Variants in PRKCH observed in about 807,000 individuals in gnomAD.
PRKCH encodes protein kinase C eta.
A neutral mutation model predicts 82.5 loss-of-function variants in PRKCH; 28 were observed. That is an observed-to-expected ratio of 0.34 (90% CI 0.25 to 0.47). PRKCH has a LOEUF of 0.47. Ranked by LOEUF, PRKCH falls within the 20% of genes least tolerant of loss-of-function variation. The probability of loss-of-function intolerance (pLI) is 1.00; values close to 1 mark genes in which losing one functional copy is unlikely to be tolerated. For synonymous variants in PRKCH, 322 were observed against 327.4 expected (o/e 0.98, Z 0.18); for missense variants, 705 against 881.8 (o/e 0.80, Z 2.54).
intron 2 of PRKCH, among the ~76,000 whole-genome samples, chr14:61,435,253 C>T (rs117802528): frequency 2.4e-3 from 372 of 152,280 alleles, no homozygotes; most frequent in Non-Finnish European, 4.1e-3. Context: ...GGTTCCTTCC[C>T]GAATAAACTA....
At chr14:61,214,741 G>A (rs1194095605) in intron 1 of PRKCH, among the ~76,000 whole-genome samples, 1 of 152,136 alleles carries the variant, frequency 6.6e-6, no homozygotes, top group Non-Finnish European at 1.5e-5. Context: ...AGTCATTGCA[G>A]TGAGAGCCCA....
At chr14:61,412,398 T>C (rs1882313546) in intron 2 of PRKCH, among the ~76,000 whole-genome samples, 1 of 152,240 alleles carries the variant, frequency 6.6e-6, no homozygotes, top group South Asian at 2.1e-4. Context: ...GTTGCTTTTC[T>C]ATGACTCCAT....
chr14:61,460,127 G>A (rs142155362), intron 9 of PRKCH, among the ~76,000 whole-genome samples: 1,532 of 152,284 alleles, frequency 0.01, 28 homozygotes, highest in African/African-American at 0.035. Context: ...GATTACAGGC[G>A]TGAGCCACTG....
chr14:61,342,218 A>G (rs1427610632), intron 1 of PRKCH, among the ~76,000 whole-genome samples: 2 of 151,778 alleles, frequency 1.3e-5, no homozygotes, highest in African/African-American at 2.4e-5. Context: ...TAAAGCCTCA[A>G]CTACTAATTA....
intron 10 of PRKCH, among the ~76,000 whole-genome samples, chr14:61,521,707 C>A (rs2042909982): frequency 6.6e-6 from 1 of 152,088 alleles, no homozygotes; most frequent in Non-Finnish European, 1.5e-5. Context: ...GGCTGGGATT[C>A]AGGCGTAAGC....
At chr14:61,444,316 G>A (rs1026318620) in intron 3 of PRKCH, among the ~76,000 whole-genome samples, 8 of 152,046 alleles carry the variant, frequency 5.3e-5, no homozygotes, top group Non-Finnish European at 7.4e-5. Context: ...TTGAGTTCAC[G>A]TTTCCTCTTT....
At chr14:61,454,107 C>CT (rs753250068) in intron 7 of PRKCH, among the ~76,000 whole-genome samples, 2 of 144,600 alleles carry the variant, frequency 1.4e-5, no homozygotes, top group Admixed American at 1.4e-4. Context: ...TTTCTTTTTT[C>CT]TTTTTTCTAT....
intron 2 of PRKCH, among the ~76,000 whole-genome samples, chr14:61,435,735 TGAA>T: frequency 8.5e-6 from 1 of 117,158 alleles, no homozygotes; most frequent in East Asian, 2.5e-4. Context: ...AATGAATGAA[TGAA>T]TGAAACCAGA....
intron 10 of PRKCH, among the ~76,000 whole-genome samples, chr14:61,496,133 C>T (rs1012985654): frequency 3.9e-5 from 6 of 152,170 alleles, no homozygotes; most frequent in African/African-American, 9.7e-5. Context: ...TCATGGGCGT[C>T]GAGGGCCCAA....
chr14:61,484,975 A>G (rs552647219), intron 9 of PRKCH, among the ~76,000 whole-genome samples: 2 of 151,584 alleles, frequency 1.3e-5, no homozygotes, highest in East Asian at 3.9e-4. Flanking sequence ...CCACCCACAT[A>G]GGCCTCCCAA....
chr14:61,548,052 T>C (rs1253305211), intron 13 of PRKCH, among the ~76,000 whole-genome samples, 166 bp downstream of exon 13: 1 of 152,224 alleles, frequency 6.6e-6, no homozygotes, highest in Non-Finnish European at 1.5e-5. Flanking sequence ...TCCTTGTCCA[T>C]GGGACAACAA....
At chr14:61,229,102 A>G (rs1381583713) in intron 1 of PRKCH, among the ~76,000 whole-genome samples, 2 of 152,176 alleles carry the variant, frequency 1.3e-5, no homozygotes, top group East Asian at 3.8e-4. Context: ...TTTAGATAAG[A>G]GAACATTCTC....
At chr14:61,299,050 C>T (rs556867078) in intron 1 of PRKCH, among the ~76,000 whole-genome samples, 1 of 152,098 alleles carries the variant, frequency 6.6e-6, no homozygotes, top group Non-Finnish European at 1.5e-5. Flanking sequence ...CTTGATTCTT[C>T]CCTTGGGTTG....
intron 1 of PRKCH, among the ~76,000 whole-genome samples, chr14:61,286,672 A>G (rs1419737375): frequency 6.6e-6 from 1 of 152,152 alleles, no homozygotes; most frequent in Non-Finnish European, 1.5e-5. Context: ...GCTACTCGGG[A>G]GGCTGAGGCA....
At chr14:61,198,591 G>A (rs2140036957) in intron 1 of PRKCH, among the ~76,000 whole-genome samples, 1 of 152,338 alleles carries the variant, frequency 6.6e-6, no homozygotes, top group Admixed American at 6.5e-5. Flanking sequence ...CAGTTAGCGT[G>A]TGGGCAGAAA....
chr14:61,353,810 G>A (rs1425585201), intron 1 of PRKCH: 1 of 152,134 alleles, frequency 6.6e-6, no homozygotes, highest in Non-Finnish European at 1.5e-5. Flanking sequence ...GGTGGCACAT[G>A]ACTGTGGTCC....
chr14:61,531,695 G>A (rs1038054991), intron 12 of PRKCH, among the ~76,000 whole-genome samples: 2 of 152,200 alleles, frequency 1.3e-5, no homozygotes, highest in African/African-American at 4.8e-5. Flanking sequence ...CAATCCTCAA[G>A]CTGAGGTGTC....
At chr14:61,390,460 C>T (rs891407984) in intron 1 of PRKCH, among the ~76,000 whole-genome samples, 47 of 152,208 alleles carry the variant, frequency 3.1e-4, no homozygotes, top group African/African-American at 1.1e-3. Context: ...CATTTGAAGT[C>T]AGGAGTTCGA....
chr14:61,258,110 G>A (rs1284007137), intron 1 of PRKCH, among the ~76,000 whole-genome samples: 1 of 152,074 alleles, frequency 6.6e-6, no homozygotes, highest in Non-Finnish European at 1.5e-5. Context: ...TAGTTAATTT[G>A]CTCTAGACCC....
Sources: gnomAD v4.1 joint callset for allele counts (sites outside exome capture counted in the v4.1 genomes callset) on GRCh38, gnomAD v4.1.1 for gene constraint, MANE v1.5 for transcripts, NCBI Gene and HGNC (gene_info 2026-07-23, HGNC 2026-07-21) for gene names.